The following ARHGAP24 variants were observed in gnomAD, a reference collection of about 807,000 sequenced individuals.
The protein encoded by ARHGAP24 is rho GTPase-activating protein 24.
A neutral mutation model predicts 76.4 loss-of-function variants in ARHGAP24; 50 were observed. The ratio of observed to expected loss-of-function variants is 0.65; its 90% CI spans 0.52 to 0.83. ARHGAP24 has a LOEUF of 0.83. Among genes scored for constraint, ARHGAP24 ranks in the 40% least tolerant of loss-of-function variants. ARHGAP24 has a pLI of 0.00. For missense variants in ARHGAP24, 930 were observed against 914.2 expected (o/e 1.02, Z -0.22); for synonymous variants, 345 against 323.3 (o/e 1.07, Z -0.72).
chr4:85,581,281 T>A (rs186130920), intron 2 of ARHGAP24, among the ~76,000 whole-genome samples: 122 of 152,190 alleles, frequency 8.0e-4, no homozygotes, highest in African/African-American at 2.8e-3. Flanking sequence ...TATGTTCATG[T>A]CACGTAGTTA....
chr4:85,902,792 C>T (rs1405151787), intron 3 of ARHGAP24, among the ~76,000 whole-genome samples: 4 of 152,082 alleles, frequency 2.6e-5, no homozygotes, highest in East Asian at 1.9e-4. Flanking sequence ...TTATTAAAGA[C>T]GAGTTTTTGC....
chr4:85,579,345 A>G lies in ARHGAP24; in HGVS notation c.180+8624A>G, dbSNP rs76338246. 4.7e-3 allele frequency among the ~76,000 whole-genome samples: 717 copies of G among 152,330 alleles called. 7 individuals carry two copies. The highest frequency in any genetic ancestry group is 0.017 in the African/African-American group (693 of 41,578). ...TTTCCATTATACCAACTAGAGGAGA[A>G]GAAACTTTAGGGGAAAAAACAAATG... On this transcript the variant is annotated intron_variant, in intron 2 of 9. Transcript: ENST00000395184.
chr4:85,571,692 A>G (rs1047696569), intron 2 of ARHGAP24, among the ~76,000 whole-genome samples: 1 of 151,950 alleles, frequency 6.6e-6, no homozygotes, highest in African/African-American at 2.4e-5. Flanking sequence ...ACATGCTACA[A>G]ACCTTGGTCT....
At chr4:85,665,783 T>C (rs1410883946) in intron 2 of ARHGAP24, among the ~76,000 whole-genome samples, 1 of 152,204 alleles carries the variant, frequency 6.6e-6, no homozygotes, top group African/African-American at 2.4e-5. Flanking sequence ...GAAGCTTAGT[T>C]TGGCTGGATA....
At chr4:85,830,247 G>T (rs1265841599) in intron 3 of ARHGAP24, among the ~76,000 whole-genome samples, 1 of 152,132 alleles carries the variant, frequency 6.6e-6, no homozygotes, top group Non-Finnish European at 1.5e-5. Flanking sequence ...AAGCAGTTTT[G>T]ATGTATCCCT....
At chr4:85,488,460 A>G (rs114229186) in intron 1 of ARHGAP24, among the ~76,000 whole-genome samples, 1,977 of 152,290 alleles carry the variant, frequency 0.013, 35 homozygotes, top group African/African-American at 0.045. Flanking sequence ...GAAATACAGC[A>G]TTGTAGGTCC....
At chr4:85,788,211 T>A (rs1727947151) in intron 3 of ARHGAP24, among the ~76,000 whole-genome samples, 3 of 152,078 alleles carry the variant, frequency 2.0e-5, no homozygotes, top group African/African-American at 7.2e-5. Flanking sequence ...GACATGTAAC[T>A]CTCTCTGTTC....
chr4:85,623,334 C>A (rs926399407), intron 2 of ARHGAP24, among the ~76,000 whole-genome samples: 3 of 152,166 alleles, frequency 2.0e-5, no homozygotes, highest in African/African-American at 7.2e-5. Context: ...GTTTTCCCAG[C>A]ACCATTTATT....
chr4:85,625,649 C>T (rs1042512162), intron 2 of ARHGAP24, among the ~76,000 whole-genome samples: 1 of 152,148 alleles, frequency 6.6e-6, no homozygotes, highest in African/African-American at 2.4e-5. Context: ...TCTTGTTGAT[C>T]TGTCTAATGT....
intron 3 of ARHGAP24, among the ~76,000 whole-genome samples, chr4:85,779,508 G>A (rs1008668656): frequency 4.0e-5 from 6 of 151,692 alleles, no homozygotes; most frequent in Non-Finnish European, 7.4e-5. Context: ...TTTGAATTGG[G>A]GTTTTTGCCT....
chr4:85,821,060 C>G (rs1312599168), intron 3 of ARHGAP24, among the ~76,000 whole-genome samples: 1 of 151,858 alleles, frequency 6.6e-6, no homozygotes, highest in African/African-American at 2.4e-5. Flanking sequence ...ATAAAATATT[C>G]TAAGTGAAAT....
chr4:85,656,668 A>G (rs1722184686), intron 2 of ARHGAP24, among the ~76,000 whole-genome samples: 1 of 152,054 alleles, frequency 6.6e-6, no homozygotes, highest in African/African-American at 2.4e-5. Flanking sequence ...GGGTTTTACC[A>G]TGTTGGCCAG....
At chr4:85,534,024 C>T (rs1725370673) in intron 1 of ARHGAP24, among the ~76,000 whole-genome samples, 1 of 152,046 alleles carries the variant, frequency 6.6e-6, no homozygotes, top group Non-Finnish European at 1.5e-5. Context: ...ATAAGAAATC[C>T]ACAAGTCCTG....
At position 85,959,465 on chromosome 4, in the gene ARHGAP24, C is replaced by A. The variant is rs567747247; in HGVS notation, c.600-12571C>A. On this transcript the variant is annotated intron_variant, in intron 5 of 9. Transcript: ENST00000395184. ...AACTTGCAGCCTCGTTTTACCCAGC[C>A]CCTATTCTAGATGGAGTTGCTATGG... Among the ~76,000 whole-genome samples the A allele has an allele frequency of 2.6e-5, 4 of 152,272 alleles. No homozygotes were observed. In the South Asian group the frequency reaches 8.3e-4, roughly 32 times the overall value.
At chr4:85,583,821 G>A (rs866433408) in intron 2 of ARHGAP24, among the ~76,000 whole-genome samples, 31 of 150,218 alleles carry the variant, frequency 2.1e-4, no homozygotes, top group African/African-American at 7.1e-4. Context: ...CATTTATGCA[G>A]CCAAAAAACA....
At chr4:85,983,739 C>T (rs918746344) in intron 8 of ARHGAP24, among the ~76,000 whole-genome samples, 1 of 152,064 alleles carries the variant, frequency 6.6e-6, no homozygotes, top group African/African-American at 2.4e-5. Flanking sequence ...ATGCAGTGTC[C>T]CTCAAAACTC....
chr4:85,564,942 A>G (rs1286085227), intron 1 of ARHGAP24, among the ~76,000 whole-genome samples: 2 of 100,546 alleles, frequency 2.0e-5, no homozygotes, highest in Non-Finnish European at 3.9e-5. Context: ...ATATATATAT[A>G]TATATATATA....
intron 4 of ARHGAP24, among the ~76,000 whole-genome samples, chr4:85,935,474 A>G (rs1482856523): frequency 3.9e-5 from 6 of 152,246 alleles, no homozygotes; most frequent in Admixed American, 3.9e-4. Context: ...TTTGAAAGTT[A>G]CAAAAAGACA....
intron 2 of ARHGAP24, among the ~76,000 whole-genome samples, chr4:85,712,163 C>A (rs1195224905): frequency 6.6e-6 from 1 of 152,130 alleles, no homozygotes; most frequent in Non-Finnish European, 1.5e-5. Context: ...CGGTTTCTTG[C>A]CACAGATACT....
Sources: allele counts gnomAD v4.1 joint callset (sites outside exome capture counted in the v4.1 genomes callset), GRCh38; gene constraint gnomAD v4.1.1; transcripts MANE v1.5; gene names NCBI Gene and HGNC (gene_info 2026-07-23, HGNC 2026-07-21).